NEO1: variants seen among roughly 807,000 people sequenced by gnomAD.
NEO1 encodes the protein neogenin.
In NEO1, 63 loss-of-function variants were observed where a neutral mutation model predicts 159.7. That is an observed-to-expected ratio of 0.39 (90% confidence interval 0.32 to 0.49). The LOEUF (loss-of-function observed/expected upper bound fraction) is 0.49, where lower values mean the gene tolerates loss of function less well. NEO1 is among the 20% of genes least tolerant of loss of function. The pLI is 0.85. For synonymous variants in NEO1, 633 were observed against 662.0 expected (o/e 0.96, Z 0.67); for missense variants, 1,615 against 1,831.0 (o/e 0.88, Z 2.15).
intron 5 of NEO1, among the ~76,000 whole-genome samples, chr15:73,164,615 T>A (rs2034442246): frequency 6.6e-6 from 1 of 152,248 alleles, no homozygotes. Context: ...TGGTACAGCC[T>A]TTGGTAATAT....
intron 21 of NEO1, 141 bp downstream of exon 21, chr15:73,274,865 G>C (rs2041334465): frequency 1.2e-5 from 9 of 771,696 alleles, no homozygotes; most frequent in Non-Finnish European, 1.7e-5. Flanking sequence ...GGCCAAAGTA[G>C]AGTTGAGTCC....
At chr15:73,189,798 T>C (rs911061669) in intron 7 of NEO1, among the ~76,000 whole-genome samples, 2 of 152,232 alleles carry the variant, frequency 1.3e-5, no homozygotes, top group African/African-American at 4.8e-5. Context: ...ATATAAAACA[T>C]TTTTGCATAT....
intron 7 of NEO1, among the ~76,000 whole-genome samples, chr15:73,209,783 G>A (rs545779848): frequency 3.3e-5 from 5 of 152,248 alleles, no homozygotes; most frequent in Non-Finnish European, 7.4e-5. Context: ...TCTGAGGTCA[G>A]GAGTTCAAGA....
At chr15:73,111,018 A>G (rs1326069538) in intron 1 of NEO1, among the ~76,000 whole-genome samples, 2 of 152,186 alleles carry the variant, frequency 1.3e-5, no homozygotes, top group African/African-American at 4.8e-5. Flanking sequence ...TGTGTATGCA[A>G]TTGTTCATAT....
chr15:73,248,484 C>T (rs1447654678), intron 9 of NEO1, among the ~76,000 whole-genome samples: 1 of 152,166 alleles, frequency 6.6e-6, no homozygotes, highest in Non-Finnish European at 1.5e-5. Flanking sequence ...CTATTGACCC[C>T]ATTGACTGGA....
At chr15:73,285,840 A>T (rs1193131159) in intron 23 of NEO1, among the ~76,000 whole-genome samples, 3 of 152,048 alleles carry the variant, frequency 2.0e-5, no homozygotes. Context: ...ACCTTTCTAC[A>T]CTGGTAATCA....
At chr15:73,282,240 C>T (rs868156282) in intron 22 of NEO1, among the ~76,000 whole-genome samples, 11 of 152,290 alleles carry the variant, frequency 7.2e-5, no homozygotes, top group Middle Eastern at 6.8e-3. Flanking sequence ...ATCATAACCC[C>T]TCATTTTCTT....
intron 7 of NEO1, among the ~76,000 whole-genome samples, chr15:73,197,756 C>T (rs987212135): frequency 6.7e-6 from 1 of 150,078 alleles, no homozygotes; most frequent in Non-Finnish European, 1.5e-5. Context: ...TTTCGGCTCA[C>T]TGCAGCCTCT....
chr15:73,156,937 T>C (rs929859473), intron 5 of NEO1, among the ~76,000 whole-genome samples: 1 of 152,158 alleles, frequency 6.6e-6, no homozygotes, highest in African/African-American at 2.4e-5. Context: ...GGATGACTGT[T>C]GCTATGCCGA....
At chr15:73,127,840 G>A (rs546931133) in intron 4 of NEO1, among the ~76,000 whole-genome samples, 3 of 152,298 alleles carry the variant, frequency 2.0e-5, no homozygotes, top group African/African-American at 7.2e-5. Context: ...TAAAATTTCA[G>A]AAATTCAGTT....
At chr15:73,208,866 TTAAAA>T (rs1007396028) in intron 7 of NEO1, among the ~76,000 whole-genome samples, 113 of 152,112 alleles carry the variant, frequency 7.4e-4, no homozygotes, top group African/African-American at 2.6e-3. Context: ...TGTCTCAAAA[TTAAAA>T]TAAAATAAAA....
chr15:73,122,079 ATATATAT>A (rs2071692089), intron 2 of NEO1, among the ~76,000 whole-genome samples: 1 of 114,428 alleles, frequency 8.7e-6, no homozygotes, highest in Non-Finnish European at 1.8e-5. Flanking sequence ...ATATATATAT[ATATATAT>A]ATATATATAC....
At chr15:73,238,386 G>A (rs949917539) in intron 8 of NEO1, among the ~76,000 whole-genome samples, 1 of 142,384 alleles carries the variant, frequency 7.0e-6, no homozygotes, top group African/African-American at 2.6e-5. Context: ...TCCAGCACCT[G>A]GAACAGAGCC....
At chr15:73,209,255 A>AGCCTGAACTCATTGTATCT (rs1429749483) in intron 7 of NEO1, among the ~76,000 whole-genome samples, 4 of 152,254 alleles carry the variant, frequency 2.6e-5, no homozygotes, top group Admixed American at 1.3e-4. Context: ...ACCTGTGTAC[A>AGCCTGAACTCATTGTATCT]GCCTGAACTC....
At chr15:73,167,736 A>T in intron 5 of NEO1, among the ~76,000 whole-genome samples, 1 of 152,346 alleles carries the variant, frequency 6.6e-6, no homozygotes, top group East Asian at 1.9e-4. Flanking sequence ...TATTTAATAA[A>T]GGTTTTTGTG....
chr15:73,095,249 C>T (rs1490845209), intron 1 of NEO1, among the ~76,000 whole-genome samples: 2 of 151,666 alleles, frequency 1.3e-5, no homozygotes, highest in African/African-American at 2.4e-5. Context: ...TCAGTTGTCT[C>T]TGGCTTGTTT....
intron 9 of NEO1, among the ~76,000 whole-genome samples, chr15:73,245,346 C>T (rs575251617): frequency 2.0e-5 from 3 of 152,210 alleles, no homozygotes; most frequent in South Asian, 2.1e-4. Flanking sequence ...TGTGGTCTTT[C>T]GTGCTAAATA....
intron 1 of NEO1, among the ~76,000 whole-genome samples, chr15:73,071,909 A>G (rs770373387): frequency 5.3e-5 from 8 of 151,394 alleles, no homozygotes; most frequent in Non-Finnish European, 1.0e-4. Flanking sequence ...AGAAATGATC[A>G]TACTATATCT....
intron 5 of NEO1, among the ~76,000 whole-genome samples, chr15:73,151,998 G>A (rs1401575445): frequency 1.3e-5 from 2 of 152,156 alleles, no homozygotes; most frequent in East Asian, 1.9e-4. Flanking sequence ...AATTGAATTT[G>A]CCTATTGTAT....
Sources: gnomAD v4.1 joint callset for allele counts (sites outside exome capture counted in the v4.1 genomes callset) on GRCh38, gnomAD v4.1.1 for gene constraint, MANE v1.5 for transcripts, NCBI Gene and HGNC (gene_info 2026-07-23, HGNC 2026-07-21) for gene names.